Variants in TBC1D4 observed in about 807,000 individuals in gnomAD.
TBC1D4 encodes TBC1 domain family member 4, also known as TBC (Tre-2, BUB2, CDC16) domain-containing protein.
TBC1D4 carries 121 observed loss-of-function variants against 142.5 expected under a neutral mutation model. That is an observed-to-expected ratio of 0.85 (90% CI 0.73 to 0.99). The LOEUF is 0.99. Among genes scored for constraint, TBC1D4 ranks in the 50% least tolerant of loss-of-function variants. The probability of loss-of-function intolerance (pLI) is 0.00; values close to 1 mark genes in which losing one functional copy is unlikely to be tolerated. For synonymous variants in TBC1D4, 630 were observed against 628.2 expected, an observed-to-expected ratio of 1.00 and a Z score of -0.04; for missense variants, 1,475 against 1,606.6, an observed-to-expected ratio of 0.92 and a Z score of 1.40.
chr13:75,287,182 A>C (rs1221369013), intron 20 of TBC1D4, among the ~76,000 whole-genome samples, 157 bp from the exon 21 acceptor site: 1 of 152,210 alleles, frequency 6.6e-6, no homozygotes, highest in East Asian at 1.9e-4. Flanking sequence ...ATTAGGTTTC[A>C]CAAAGATGTA....
intron 1 of TBC1D4, among the ~76,000 whole-genome samples, chr13:75,393,116 TACACACACACACAC>T (rs34205789): frequency 1.8e-4 from 26 of 141,474 alleles, no homozygotes; most frequent in South Asian, 4.7e-4. Flanking sequence ...TAAATTAAAA[TACACACACACACAC>T]ACACACACAC....
At chr13:75,346,962 G>C (rs1404771746) in intron 5 of TBC1D4, among the ~76,000 whole-genome samples, 1 of 152,020 alleles carries the variant, frequency 6.6e-6, no homozygotes. Context: ...TCGACATTTA[G>C]ATCATTTCCA....
intron 4 of TBC1D4, among the ~76,000 whole-genome samples, chr13:75,351,115 T>C (rs576025094): frequency 1.3e-5 from 2 of 152,288 alleles, no homozygotes; most frequent in South Asian, 2.1e-4. Flanking sequence ...TTTTTGGCAC[T>C]ACCACTGGGC....
At chr13:75,338,933 C>G (rs1880448144) in intron 7 of TBC1D4, among the ~76,000 whole-genome samples, 1 of 152,200 alleles carries the variant, frequency 6.6e-6, no homozygotes, top group Admixed American at 6.5e-5. Flanking sequence ...CAGCCAGTCA[C>G]TAAGTCCTAA....
chr13:75,432,715 C>T (rs1351810236), intron 1 of TBC1D4, among the ~76,000 whole-genome samples: 1 of 151,944 alleles, frequency 6.6e-6, no homozygotes, highest in Admixed American at 6.6e-5. Context: ...TTTCTATAGC[C>T]TCACAACCAT....
intron 14 of TBC1D4, among the ~76,000 whole-genome samples, chr13:75,307,948 A>G (rs1877347820): frequency 6.6e-6 from 1 of 152,196 alleles, no homozygotes; most frequent in African/African-American, 2.4e-5. Flanking sequence ...TATTTTCTTC[A>G]TGATGGACAA....
At chr13:75,347,048 G>C (rs1326301730) in intron 5 of TBC1D4, among the ~76,000 whole-genome samples, 2 of 151,988 alleles carry the variant, frequency 1.3e-5, no homozygotes, top group Non-Finnish European at 2.9e-5. Context: ...TTCTTATCAA[G>C]ACATGGAACT....
Position 75,285,002 on chromosome 13 carries a change from G to C in TBC1D4, c.*1790C>G, listed in dbSNP as rs564043763. The C allele has an allele frequency of 6.6e-6, 1 of 152,028 alleles. No homozygotes were observed. The highest frequency in any genetic ancestry group is 1.5e-5 in the Non-Finnish European group (1 of 68,000). 9.4% of individuals were successfully genotyped at this position (152,028 alleles called of 1,614,324 possible). A position where few individuals can be genotyped will look rare whatever the true frequency, so the allele number is the denominator to read the frequency against. ...ATAAAGTAATTGTCATCAACAGACCGTAAAAAGAAAAAACCCCTCCTACAA... is the reference window on the plus strand; with the variant it reads ...ATAAAGTAATTGTCATCAACAGACCCTAAAAAGAAAAAACCCCTCCTACAA... On this transcript the variant is annotated 3_prime_UTR_variant, in exon 21 of 21. Transcript: ENST00000377636.
At chr13:75,336,671 G>T (rs1284899568) in intron 8 of TBC1D4, among the ~76,000 whole-genome samples, 1 of 151,472 alleles carries the variant, frequency 6.6e-6, no homozygotes, top group Non-Finnish European at 1.5e-5. Context: ...AATGCAGGAG[G>T]CAGAGGTTGC....
chr13:75,428,182 TG>T (rs1329172300), intron 1 of TBC1D4, among the ~76,000 whole-genome samples: 1 of 151,988 alleles, frequency 6.6e-6, no homozygotes, highest in African/African-American at 2.4e-5. Flanking sequence ...GGGGAGGACT[TG>T]GGGGGAGTAG....
intron 1 of TBC1D4, among the ~76,000 whole-genome samples, chr13:75,449,661 T>C (rs988349470): frequency 6.6e-6 from 1 of 151,080 alleles, no homozygotes; most frequent in African/African-American, 2.4e-5. Context: ...TCTCGGCTCA[T>C]TGCAGGCTTC....
Position 75,331,793 on chromosome 13 carries a change from T to C in TBC1D4, c.1732-3967A>G, listed in dbSNP as rs534597315. On this transcript the variant is annotated intron_variant, in intron 8 of 20. Transcript: ENST00000377636. ...TGATGTTTAAAAATGGCAGCAATTATGAGCTAAACTCCAAAACTGGAGTGT... is the reference window on the plus strand; with the variant it reads ...TGATGTTTAAAAATGGCAGCAATTACGAGCTAAACTCCAAAACTGGAGTGT... 1.2e-3 allele frequency among the ~76,000 whole-genome samples: 181 copies of C among 148,548 alleles called. 1 individual carries two copies. Among genetic ancestry groups the C allele is most frequent in the African/African-American group, 4.4e-3 (177 of 40,482 alleles).
intron 1 of TBC1D4, among the ~76,000 whole-genome samples, chr13:75,456,322 T>G (rs1011657129): frequency 3.3e-5 from 5 of 152,196 alleles, no homozygotes; most frequent in South Asian, 2.1e-4. Flanking sequence ...AATAGAAGAC[T>G]GATAAATTGT....
chr13:75,291,638 T>C (rs558782510), intron 19 of TBC1D4, among the ~76,000 whole-genome samples: 1 of 152,322 alleles, frequency 6.6e-6, no homozygotes, highest in South Asian at 2.1e-4. Flanking sequence ...TGTCCCATTC[T>C]GGACAACTAG....
chr13:75,451,149 GC>G (rs1361905343), intron 1 of TBC1D4, among the ~76,000 whole-genome samples: 5 of 152,072 alleles, frequency 3.3e-5, no homozygotes, highest in African/African-American at 1.2e-4. Context: ...ACTTTTCTCT[GC>G]CACTAATTAT....
At chr13:75,386,956 A>T (rs571950162) in intron 1 of TBC1D4, among the ~76,000 whole-genome samples, 1 of 152,138 alleles carries the variant, frequency 6.6e-6, no homozygotes, top group Non-Finnish European at 1.5e-5. Context: ...GTGTTTTCTA[A>T]AACAGCAATT....
At chr13:75,292,369 G>GT in intron 18 of TBC1D4, 98 bp from the exon 19 acceptor site, 1 of 1,064,224 alleles carries the variant, frequency 9.4e-7, no homozygotes, top group Non-Finnish European at 1.4e-6. Context: ...CTTGTTTTAT[G>GT]TATTTTGCAG....
At chr13:75,424,337 A>G (rs959983542) in intron 1 of TBC1D4, among the ~76,000 whole-genome samples, 1 of 151,530 alleles carries the variant, frequency 6.6e-6, no homozygotes, top group African/African-American at 2.4e-5. Context: ...GAATTGCTCT[A>G]AGAAAGCAAT....
At chr13:75,428,636 A>G (rs944747109) in intron 1 of TBC1D4, among the ~76,000 whole-genome samples, 3 of 152,234 alleles carry the variant, frequency 2.0e-5, no homozygotes, top group Non-Finnish European at 1.5e-5. Context: ...ATAACAACTG[A>G]GGAGCAATTT....
Sources: allele counts gnomAD v4.1 joint callset (sites outside exome capture counted in the v4.1 genomes callset), GRCh38; gene constraint gnomAD v4.1.1; transcripts MANE v1.5; gene names NCBI Gene and HGNC (gene_info 2026-07-23, HGNC 2026-07-21).